The following DIP2A variants were observed in gnomAD, a reference collection of about 807,000 sequenced individuals.
DIP2A encodes the protein DIP2 acetate--CoA ligase A, also known as disco-interacting protein 2 homolog A.
A neutral mutation model predicts 177.4 loss-of-function variants in DIP2A; 85 were observed. That is an observed-to-expected ratio of 0.48 (90% CI 0.40 to 0.57). DIP2A has a LOEUF of 0.57. DIP2A is among the 20% of genes least tolerant of loss of function. The probability of loss-of-function intolerance (pLI) is 0.00; values close to 1 mark genes in which losing one functional copy is unlikely to be tolerated. For missense variants in DIP2A, 1,791 were observed against 2,100.2 expected, an observed-to-expected ratio of 0.85 and a Z score of 2.88; for synonymous variants, 886 against 881.8, an observed-to-expected ratio of 1.00 and a Z score of -0.08.
At position 46,567,601 on chromosome 21, in the gene DIP2A, C is replaced by T; in HGVS notation, c.4695C>T (p.Ile1565=). 6.2e-7 allele frequency: 1 copy of T among 1,604,208 alleles called. No individual in the cohort carries two copies. Among genetic ancestry groups the T allele is most frequent in the Non-Finnish European group, 8.5e-7 (1 of 1,174,462 alleles). Reference sequence around the variant, plus strand: ...TCCTGGCTGACCAGCTGGACCCCATCTATGTCGCCTACAACATGTGAGCGC... The same window carrying T: ...TCCTGGCTGACCAGCTGGACCCCATTTATGTCGCCTACAACATGTGAGCGC... ...DGFLADQLDP[I]YVAYNM is the part of the protein sequence containing the mutation. The change falls in exon 38 of 38, where the codon ATC becomes ATT. Residue 1565 remains isoleucine (I), a synonymous_variant. Transcript: ENST00000417564.
chr21:46,546,997 C>T lies in DIP2A; in HGVS notation c.2477C>T (p.Ala826Val). 2 of 1,613,980 alleles carry T rather than the reference C, an allele frequency of 1.2e-6. No individual in the cohort carries two copies. The highest frequency in any genetic ancestry group is 1.7e-6 in the Non-Finnish European group (2 of 1,179,880). ...VRRHNADDVV[A>V]TALAVEPMKF... ...AGACACAATGCAGATGACGTTGTGG[C>T]CACCGCACTGGCCGTGGAGCCCATG... The change falls in exon 21 of 38, where the codon GCC (alanine) becomes GTC (valine). Residue 826 changes from alanine (A) to valine (V), a missense_variant. Transcript: ENST00000417564.
At chr21:46,469,939 G>GA (rs374411645) in intron 1 of DIP2A, among the ~76,000 whole-genome samples, 7 of 151,364 alleles carry the variant, frequency 4.6e-5, no homozygotes, top group African/African-American at 1.5e-4. Context: ...TCCATCTTTT[G>GA]AAAAAAAAGA....
At chr21:46,527,847 C>T (rs1365004312) in intron 8 of DIP2A, among the ~76,000 whole-genome samples, 1 of 152,028 alleles carries the variant, frequency 6.6e-6, no homozygotes, top group Non-Finnish European at 1.5e-5. Flanking sequence ...AAGGCTCCTT[C>T]AAGTGTGGGG....
chr21:46,521,643 T>C (rs1387004189), intron 8 of DIP2A, among the ~76,000 whole-genome samples: 1 of 152,266 alleles, frequency 6.6e-6, no homozygotes, highest in Non-Finnish European at 1.5e-5. Context: ...ATAAACCTTT[T>C]ATAACCCTTT....
chr21:46,560,936 G>A, intron 33 of DIP2A, 153 bp downstream of exon 33: 2 of 985,376 alleles, frequency 2.0e-6, no homozygotes, highest in African/African-American at 1.7e-5. Flanking sequence ...GCACATGAGA[G>A]GACAGCTGGC....
chr21:46,580,207 C>T, the DIP2A span, among the ~76,000 whole-genome samples: 1 of 152,008 alleles, frequency 6.6e-6, no homozygotes, highest in Non-Finnish European at 1.5e-5. Flanking sequence ...TGTGTAATGC[C>T]CTTCTTTTTT....
chr21:46,574,655 T>C (rs1468370061), downstream of DIP2A, among the ~76,000 whole-genome samples: 1 of 151,966 alleles, frequency 6.6e-6, no homozygotes, highest in East Asian at 1.9e-4. Context: ...ATAAAAAGCA[T>C]TAAAAAATAC....
intron 1 of DIP2A, among the ~76,000 whole-genome samples, chr21:46,474,573 A>C (rs1031857872): frequency 6.6e-6 from 1 of 152,166 alleles, no homozygotes; most frequent in Non-Finnish European, 1.5e-5. Flanking sequence ...TTCATGACCA[A>C]TCATCAGGCA....
rs1057229528 is a variant in DIP2A at position 46,549,097 on chromosome 21, T to G, written c.2523-674T>G. On this transcript the variant is annotated intron_variant, in intron 21 of 37. Transcript: ENST00000417564. Reference sequence around the variant, plus strand: ...TAAGATGTATGAGAGTAAGGAGAACTCAGTACTAGGTGAGGTCTGTTGTGT... The same window carrying G: ...TAAGATGTATGAGAGTAAGGAGAACGCAGTACTAGGTGAGGTCTGTTGTGT... Among the ~76,000 whole-genome samples the G allele has an allele frequency of 3.9e-5, 6 of 152,186 alleles. No individual in the cohort carries two copies. The South Asian group carries it at 8.3e-4, about 21-fold the overall frequency.
In DIP2A at chr21:46,557,456, C is replaced by G. The variant is rs555843899; in HGVS notation, c.3630-129C>G. 2.4e-5 allele frequency: 28 copies of G among 1,170,548 alleles called. No individual in the cohort carries two copies. Among genetic ancestry groups the G allele is most frequent in the African/African-American group, 4.6e-5 (3 of 64,956 alleles). The allele number at this position is 1,170,548 out of a possible 1,614,324, so 72.5% of individuals were successfully genotyped here. On this transcript the variant is annotated intron_variant, in intron 30 of 37. Transcript: ENST00000417564. This position sits in a 1 kb window ranked among gnomAD's most constrained non-coding sequence, Gnocchi z 6.0. The stretch of plus-strand genomic sequence containing the variant: ...TGGCATGTTTTCCACCAAACCCCCC[C>G]ACTTGGCGTCAGAACAGAAATCATG...
At chr21:46,509,204 C>G (rs2058183983) in intron 6 of DIP2A, 53 bp from the exon 7 acceptor site, 11 of 1,549,260 alleles carry the variant, frequency 7.1e-6, no homozygotes, top group South Asian at 6.2e-5. Flanking sequence ...CACCTGTGTC[C>G]ACTTCTTCAG....
At position 46,557,868 on chromosome 21, in the gene DIP2A, G is replaced by C; in HGVS notation, c.3798+115G>C. 1 of 1,321,360 alleles carries C rather than the reference G, an allele frequency of 7.6e-7. No homozygotes were observed. The highest frequency in any genetic ancestry group is 1.0e-6 in the Non-Finnish European group (1 of 981,114). 81.9% of individuals were successfully genotyped at this position (1,321,360 alleles called of 1,614,324 possible). A position where few individuals can be genotyped will look rare whatever the true frequency, so the allele number is the denominator to read the frequency against. Reference sequence around the variant, plus strand: ...CCCCTCCCTGCAGTTGGAGGAAGTAGAGAAAACCCTTTCCCACTAGGGGCC... The same window carrying C: ...CCCCTCCCTGCAGTTGGAGGAAGTACAGAAAACCCTTTCCCACTAGGGGCC... On this transcript the variant is annotated intron_variant, in intron 31 of 37. Coordinates refer to ENST00000417564, the MANE Select transcript of DIP2A (RefSeq NM_015151.4). This position sits in a 1 kb window ranked among gnomAD's most constrained non-coding sequence, Gnocchi z 6.0.
In DIP2A at chr21:46,563,648, A is replaced by C; in HGVS notation, c.4090-210A>C. The C allele has an allele frequency of 1.2e-6, 1 of 819,142 alleles. No individual in the cohort carries two copies. The highest frequency in any genetic ancestry group is 1.8e-6 in the Non-Finnish European group (1 of 560,138). The allele number at this position is 819,142 out of a possible 1,614,324, so 50.7% of individuals were successfully genotyped here. ...CCAGAGACGGGATCCCTTCTCAGGA[A>C]CTGGAGTCATTTTGCTTATTTCTAT... On this transcript the variant is annotated intron_variant, in intron 34 of 37. Transcript: ENST00000417564. This position sits in a 1 kb window ranked among gnomAD's most constrained non-coding sequence, Gnocchi z 4.3.
chr21:46,535,110 A>G (rs983289538), intron 13 of DIP2A, among the ~76,000 whole-genome samples: 16 of 152,216 alleles, frequency 1.1e-4, no homozygotes, highest in African/African-American at 3.1e-4. Context: ...TTAGTTTTCT[A>G]TTACTTTATC....
chr21:46,475,344 T>C (rs527546306), intron 1 of DIP2A, among the ~76,000 whole-genome samples: 9 of 152,378 alleles, frequency 5.9e-5, no homozygotes, highest in East Asian at 3.9e-4. Flanking sequence ...CCAAGAGCTA[T>C]ATTTTTATGG....
chr21:46,479,887 G>C (rs2056210948), intron 1 of DIP2A, among the ~76,000 whole-genome samples: 1 of 152,112 alleles, frequency 6.6e-6, no homozygotes. Flanking sequence ...TATTAGATCT[G>C]TATATTTAAG....
chr21:46,531,077 G>GT (rs1190686536), intron 9 of DIP2A, among the ~76,000 whole-genome samples: 2 of 152,122 alleles, frequency 1.3e-5, no homozygotes, highest in East Asian at 3.9e-4. Flanking sequence ...GAGTGAGTGA[G>GT]TGAGTAGGGT....
rs774348562 is a variant in DIP2A, at chr21:46,556,089, A to C, written c.3496A>C (p.Lys1166Gln). The part of the protein sequence containing the change: ...VSTTGILAGV[K>Q]MSHAATSALC... ...AACCACTGGGATATTAGCGGGAGTG[A>C]AGGTAGGTCCTCTGAAATCTTGTTT... The change falls in exon 29 of 38, where the codon AAG becomes CAG. Residue 1166 changes from lysine (K) to glutamine (Q), a missense_variant and splice_region_variant. By Grantham distance (53) the Lys-to-Gln change is moderately conservative (BLOSUM62 1). Transcript: ENST00000417564. This position sits in a 1 kb window ranked among gnomAD's most constrained non-coding sequence, Gnocchi z 4.5. 1.2e-6 allele frequency: 2 copies of C among 1,612,604 alleles called. No homozygotes were observed. The highest frequency in any genetic ancestry group is 1.7e-6 in the Non-Finnish European group (2 of 1,178,644).
At position 46,547,011 on chromosome 21, in the gene DIP2A, G is replaced by A. The variant is rs765372886; in HGVS notation, c.2491G>A (p.Val831Met). 5.6e-6 allele frequency: 9 copies of A among 1,613,848 alleles called. No homozygotes were observed. Among genetic ancestry groups the A allele is most frequent in the East Asian group, 2.2e-5 (1 of 44,900 alleles). Residue 831 changes from valine (V) to methionine (M), a missense_variant, in exon 21 of 38, where the codon GTG becomes ATG. Transcript: ENST00000417564. ...ADDVVATALA[V>M]EPMKFVYRGR... The stretch of plus-strand genomic sequence containing the variant: ...TGACGTTGTGGCCACCGCACTGGCC[G>A]TGGAGCCCATGAAGTTTGTCTACAG...
Sources: gnomAD v4.1 joint callset for allele counts (sites outside exome capture counted in the v4.1 genomes callset) on GRCh38, gnomAD v4.1.1 for gene constraint, Gnocchi (gnomAD v3.1) non-coding constraint, MANE v1.5 for transcripts, NCBI Gene and HGNC (gene_info 2026-07-23, HGNC 2026-07-21) for gene names.